The following TUBGCP5 variants were observed in gnomAD, a reference collection of about 807,000 sequenced individuals.
TUBGCP5 encodes the protein tubulin gamma complex component 5.
In TUBGCP5, 98 loss-of-function variants were observed where a neutral mutation model predicts 134.7. That is an observed-to-expected ratio of 0.73 (90% CI 0.62 to 0.86). TUBGCP5 has a LOEUF of 0.86. Among genes scored for constraint, TUBGCP5 ranks in the 40% least tolerant of loss-of-function variants. The pLI is 0.00. For synonymous variants in TUBGCP5, 456 were observed against 431.4 expected, an observed-to-expected ratio of 1.06 and a Z score of -0.71; for missense variants, 1,150 against 1,244.8, an observed-to-expected ratio of 0.92 and a Z score of 1.15.
intron 8 of TUBGCP5, 24 bp downstream of exon 8, chr15:23,026,092 A>T: frequency 6.4e-7 from 1 of 1,571,900 alleles, no homozygotes; most frequent in Non-Finnish European, 8.6e-7. Context: ...CATAAAGACT[A>T]TTAATTAAAT....
Position 22,999,803 on chromosome 15 carries a change from TA to T in TUBGCP5, c.*16del, listed in dbSNP as rs1359564817. ...GTATGATGACAAAGTCGGAGATATT[TA>T]TTACGCTGAAGACATTTAACTTTGT... On this transcript the variant is annotated 3_prime_UTR_variant, in exon 23 of 23. Transcript: ENST00000615383. 1 of 1,611,962 alleles carries T rather than the reference TA, an allele frequency of 6.2e-7. No homozygotes were observed. The highest frequency in any genetic ancestry group is 8.5e-7 in the Non-Finnish European group (1 of 1,178,120).
At chr15:23,011,475 T>C (rs2065028613) in intron 13 of TUBGCP5, 144 bp from the exon 14 acceptor site, 1 of 249,130 alleles carries the variant, frequency 4.0e-6, no homozygotes, top group South Asian at 1.7e-4. Context: ...TATGTAAATA[T>C]TAAATATATA....
intron 20 of TUBGCP5, among the ~76,000 whole-genome samples, 162 bp from the exon 21 acceptor site, chr15:23,003,315 GA>G (rs2140415002): frequency 6.6e-6 from 1 of 152,278 alleles, no homozygotes; most frequent in African/African-American, 2.4e-5. Context: ...GCCCATTTGG[GA>G]CCAGGCACAT....
At chr15:23,007,807 G>A (rs1433117700) in intron 16 of TUBGCP5, among the ~76,000 whole-genome samples, 2 of 152,152 alleles carry the variant, frequency 1.3e-5, no homozygotes, top group Admixed American at 1.3e-4. Flanking sequence ...AGGCACCCAC[G>A]GGGAGCATAG....
Position 23,004,118 on chromosome 15 carries a change from C to T in TUBGCP5, c.2822G>A (p.Cys941Tyr), listed in dbSNP as rs1378262711. The T allele has an allele frequency of 1.9e-6, 3 of 1,611,086 alleles. No homozygotes were observed. Among genetic ancestry groups the T allele is most frequent in the Admixed American group, 1.7e-5 (1 of 59,228 alleles). ...CTCATGTACCTTTTCTCTCAGCAGA[C>T]ACCGGTCATGGATGGTTGACAGATA... is the stretch of plus-strand genomic sequence containing the variant. Reference protein sequence around the residue: ...YRYLSTIHDRCLLREKVSFVK... With the variant: ...YRYLSTIHDRYLLREKVSFVK... Residue 941 changes from cysteine (C) to tyrosine (Y), a missense_variant, in exon 20 of 23, where the codon TGT becomes TAT. Transcript: ENST00000615383.
intron 12 of TUBGCP5, among the ~76,000 whole-genome samples, chr15:23,018,490 G>A (rs1473782675): frequency 6.6e-6 from 1 of 152,164 alleles, no homozygotes; most frequent in Non-Finnish European, 1.5e-5. Flanking sequence ...TGAGATTGAT[G>A]AATCAGAACA....
At chr15:23,024,997 G>A (rs1429944020) in intron 8 of TUBGCP5, among the ~76,000 whole-genome samples, 167 bp from the exon 9 acceptor site, 2 of 151,948 alleles carry the variant, frequency 1.3e-5, no homozygotes, top group African/African-American at 4.8e-5. Flanking sequence ...AACCTCCTGG[G>A]TTCAAGTGAT....
At chr15:23,038,392 G>C (rs538330496) in intron 1 of TUBGCP5, among the ~76,000 whole-genome samples, 1 of 152,160 alleles carries the variant, frequency 6.6e-6, no homozygotes, top group African/African-American at 2.4e-5. Flanking sequence ...CTGTCATTTA[G>C]AAATATTAGT....
intron 14 of TUBGCP5, 146 bp downstream of exon 14, chr15:23,010,987 A>T (rs2065002040): frequency 1.3e-6 from 1 of 786,600 alleles, no homozygotes. Context: ...TCTCAAACAA[A>T]CAAAAAAAAA....
At chr15:22,997,249 G>A (rs972282096), downstream of TUBGCP5, among the ~76,000 whole-genome samples, 3 of 149,840 alleles carry the variant, frequency 2.0e-5, no homozygotes, top group Non-Finnish European at 3.0e-5. Context: ...GTGTGATCTC[G>A]GCTCACTGCA....
intron 14 of TUBGCP5, 127 bp from the exon 15 acceptor site, chr15:23,010,260 ATCTT>A (rs1408690107): frequency 9.4e-7 from 1 of 1,067,134 alleles, no homozygotes; most frequent in East Asian, 2.4e-5. Flanking sequence ...AAAGAGAAAA[ATCTT>A]TCTCCCAAAA....
intron 23 of TUBGCP5, among the ~76,000 whole-genome samples, chr15:22,988,963 G>A (rs960677149): frequency 9.9e-5 from 15 of 151,660 alleles, no homozygotes; most frequent in African/African-American, 3.1e-4. Context: ...TCACATTCCC[G>A]GATCCTGCTC....
rs530676692 is a variant in TUBGCP5, at chr15:23,013,569, G to A, written c.1757-2238C>T. 1.3e-3 allele frequency among the ~76,000 whole-genome samples: 194 copies of A among 152,296 alleles called. 1 individual carries two copies. Among genetic ancestry groups the A allele is most frequent in the Non-Finnish European group, 2.5e-3 (172 of 68,014 alleles). On this transcript the variant is annotated intron_variant, in intron 13 of 22. Transcript: ENST00000615383. This position sits in a 1 kb window ranked among gnomAD's most constrained non-coding sequence, Gnocchi z 4.5. ...GGAGGCTTCCAGCCTCTGCAGCTTC[G>A]CAGAACAGGCTGGTCTGGAGTCAAG... is the stretch of plus-strand genomic sequence containing the variant.
At chr15:23,024,656 A>G in intron 9 of TUBGCP5, 81 bp downstream of exon 9, 1 of 773,874 alleles carries the variant, frequency 1.3e-6, no homozygotes, top group South Asian at 2.0e-5. Context: ...AGCAATTTTA[A>G]TATTGTAAAA....
intron 3 of TUBGCP5, among the ~76,000 whole-genome samples, chr15:23,035,631 C>T (rs2066548135): frequency 6.6e-6 from 1 of 152,300 alleles, no homozygotes; most frequent in Non-Finnish European, 1.5e-5. Flanking sequence ...ACTCACCCCA[C>T]TGCACCTCCT....
Position 23,005,612 on chromosome 15 carries a change from T to C in TUBGCP5, c.2534-2A>G. On this transcript the variant is annotated splice_acceptor_variant, in intron 18 of 22. Coordinates refer to ENST00000615383, the MANE Select transcript of TUBGCP5 (RefSeq NM_052903.6). LOFTEE classifies it high-confidence loss of function. ...GTTTTTCTGCAGTACTAACCAGTTC[T>C]ATAAAACATTGGAAGAGCAAAGTGG... 1.2e-6 allele frequency: 2 copies of C among 1,610,390 alleles called. No individual in the cohort carries two copies. The highest frequency in any genetic ancestry group is 1.7e-6 in the Non-Finnish European group (2 of 1,177,638).
intron 4 of TUBGCP5, among the ~76,000 whole-genome samples, chr15:23,032,411 AT>A (rs2066361456): frequency 6.6e-6 from 1 of 152,196 alleles, no homozygotes; most frequent in African/African-American, 2.4e-5. Context: ...TAGATTACTT[AT>A]AATACCTAAT....
At position 23,003,106 on chromosome 15, in the gene TUBGCP5, G is replaced by A. The variant is rs767796822; in HGVS notation, c.2886C>T (p.Leu962=). 1.9e-6 allele frequency: 3 copies of A among 1,614,058 alleles called. No individual in the cohort carries two copies. The African/African-American group carries it at 4.0e-5, about 22-fold the overall frequency. Residue 962 remains leucine, a synonymous_variant, in exon 21 of 23, where the codon CTC becomes CTT. Transcript: ENST00000615383. ...CTGCCTGCCAACCGTCTGCAAACAT[G>A]AGAGCCAAGTTCAACACCTTCATGA... ...EAIMKVLNLA[L]MFADGWQAGL... is the part of the protein sequence containing the mutation.
intron 15 of TUBGCP5, among the ~76,000 whole-genome samples, chr15:23,009,409 C>T (rs1453972902): frequency 1.3e-5 from 2 of 151,936 alleles, no homozygotes; most frequent in Non-Finnish European, 2.9e-5. Flanking sequence ...ACTGGGACTA[C>T]AGGCGCCCGG....
Sources: gnomAD v4.1 joint callset for allele counts (sites outside exome capture counted in the v4.1 genomes callset) on GRCh38, gnomAD v4.1.1 for gene constraint, Gnocchi (gnomAD v3.1) non-coding constraint, MANE v1.5 for transcripts, NCBI Gene and HGNC (gene_info 2026-07-23, HGNC 2026-07-21) for gene names.